Variants in ITGB3 observed in about 807,000 individuals in gnomAD.
The protein encoded by ITGB3 is integrin beta-3.
Under a neutral mutation model 85.8 loss-of-function variants are expected in ITGB3, and 48 were observed. The ratio of observed to expected loss-of-function variants is 0.56; its 90% CI spans 0.44 to 0.71. The LOEUF is 0.71. Ranked by LOEUF, ITGB3 falls within the 30% of genes least tolerant of loss-of-function variation. ITGB3 has a pLI of 0.00. For missense variants in ITGB3, 861 were observed against 1,019.1 expected (o/e 0.84, Z 2.11); for synonymous variants, 363 against 395.6 (o/e 0.92, Z 0.98).
intron 2 of ITGB3, among the ~76,000 whole-genome samples, chr17:47,276,828 G>A (rs1228229213): frequency 6.6e-6 from 1 of 152,170 alleles, no homozygotes; most frequent in Non-Finnish European, 1.5e-5. Flanking sequence ...CTTGGACATT[G>A]ACTTCAAAAA....
intron 1 of ITGB3, among the ~76,000 whole-genome samples, chr17:47,271,680 T>A (rs2065044456): frequency 6.6e-6 from 1 of 152,252 alleles, no homozygotes; most frequent in Non-Finnish European, 1.5e-5. Context: ...ATTAAAATGT[T>A]GTCTTAGCCA....
At chr17:47,265,597 C>G (rs1272307228) in intron 1 of ITGB3, among the ~76,000 whole-genome samples, 1 of 152,170 alleles carries the variant, frequency 6.6e-6, no homozygotes, top group Non-Finnish European at 1.5e-5. Context: ...AGGGCCTACC[C>G]TAACGACATC....
chr17:47,300,725 C>G (rs1375883827), intron 12 of ITGB3, 147 bp downstream of exon 12: 1 of 703,864 alleles, frequency 1.4e-6, no homozygotes, highest in Non-Finnish European at 2.6e-6. Flanking sequence ...ACAATGGACA[C>G]TTGATGTGAG....
chr17:47,300,395 A>G, intron 11 of ITGB3, 83 bp from the exon 12 acceptor site: 2 of 935,374 alleles, frequency 2.1e-6, no homozygotes, highest in Admixed American at 1.8e-5. Flanking sequence ...CAGCTTTCTG[A>G]ATGCATGGAG....
rs373750663 is a variant in ITGB3 at position 47,292,576 on chromosome 17, G to C, written c.1690+8G>C. The C allele has an allele frequency of 8.0e-5, 128 of 1,599,862 alleles. No homozygotes were observed. In the African/African-American group the frequency reaches 1.6e-3, roughly 20 times the overall value. On this transcript the variant is annotated splice_region_variant and intron_variant, in intron 10 of 14. Transcript: ENST00000559488. ...AGGGGGAGATGTGCTCAGGTGAGGA[G>C]AACTGCAGGGCCCCCTGTCCTGGAA...
Position 47,299,230 on chromosome 17 carries a change from G to A in ITGB3, c.1691-78G>A. 7.5e-7 allele frequency: 1 copy of A among 1,338,692 alleles called. No homozygotes were observed. Among genetic ancestry groups the A allele is most frequent in the Admixed American group, 1.7e-5 (1 of 59,074 alleles). 82.9% of individuals were successfully genotyped at this position (1,338,692 alleles called of 1,614,324 possible). ...ATTATCTGTGTGGTTGGGAGAGCAGGATGGTCGTGTGTAGCCTGCTGCCAT... is the reference window on the plus strand; with the variant it reads ...ATTATCTGTGTGGTTGGGAGAGCAGAATGGTCGTGTGTAGCCTGCTGCCAT... On this transcript the variant is annotated intron_variant, in intron 10 of 14. Transcript: ENST00000559488. This position sits in a 1 kb window ranked among gnomAD's most constrained non-coding sequence, Gnocchi z 5.1.
At chr17:47,300,449 C>T in intron 11 of ITGB3, 29 bp from the exon 12 acceptor site, 1 of 1,554,300 alleles carries the variant, frequency 6.4e-7, no homozygotes. Context: ...TCCTTCTTTG[C>T]CTTAATCACT....
Position 47,295,064 on chromosome 17 carries a change from T to G in ITGB3, c.1690+2496T>G, listed in dbSNP as rs532891951. Among the ~76,000 whole-genome samples the G allele has an allele frequency of 3.6e-4, 54 of 151,658 alleles. No homozygotes were observed. The South Asian group carries it at 0.011, about 30-fold the overall frequency. ...CCACAGATCAGTCAGGCAGCTTCTG[T>G]GAGCCAGATTCTGTGCTGTTGTGGA... On this transcript the variant is annotated intron_variant, in intron 10 of 14. Transcript: ENST00000559488.
chr17:47,261,431 A>G (rs11656693), intron 1 of ITGB3, among the ~76,000 whole-genome samples: 45,991 of 151,670 alleles, frequency 0.3, 7,340 homozygotes, highest in East Asian at 0.49. Context: ...GTTACTGCAG[A>G]GTTTTTTTCT....
chr17:47,264,111 G>C (rs2065017819), intron 1 of ITGB3, among the ~76,000 whole-genome samples: 1 of 152,196 alleles, frequency 6.6e-6, no homozygotes, highest in South Asian at 2.1e-4. Context: ...AAACAACTGA[G>C]GCCTGATTGG....
In ITGB3 at chr17:47,284,694, G is replaced by T; in HGVS notation, c.613G>T (p.Asp205Tyr). 1 of 1,614,168 alleles carries T rather than the reference G, an allele frequency of 6.2e-7. No individual in the cohort carries two copies. The highest frequency in any genetic ancestry group is 8.5e-7 in the Non-Finnish European group (1 of 1,180,030). ...AGAGGCCCTCGAAAACCCCTGCTATGAGTAAGTCCCTCCTCCAGACGCCAG... is the reference window on the plus strand; with the variant it reads ...AGAGGCCCTCGAAAACCCCTGCTATTAGTAAGTCCCTCCTCCAGACGCCAG... Reference protein sequence around the residue: ...PPEALENPCYDMKTTCLPMFG... With the variant: ...PPEALENPCYYMKTTCLPMFG... Residue 205 changes from aspartate (D) to tyrosine (Y), a missense_variant and splice_region_variant, in exon 4 of 15, where the codon GAT becomes TAT. By Grantham distance (160) the Asp-to-Tyr change is radical. Coordinates refer to ENST00000559488, the MANE Select transcript of ITGB3 (RefSeq NM_000212.3).
In ITGB3 at chr17:47,283,248, T is replaced by C; in HGVS notation, c.166-106T>C. On this transcript the variant is annotated intron_variant, in intron 2 of 14. Coordinates refer to ENST00000559488, the MANE Select transcript of ITGB3 (RefSeq NM_000212.3). ...CCACAACAATTTGTTTATGCTCCAA[T>C]GTACGGGGTAAACTCTTAGCTATTG... 2.9e-6 allele frequency: 3 copies of C among 1,037,952 alleles called. No individual in the cohort carries two copies. The South Asian group carries it at 4.0e-5, about 14-fold the overall frequency. The allele number at this position is 1,037,952 out of a possible 1,614,324, so 64.3% of individuals were successfully genotyped here.
intron 10 of ITGB3, among the ~76,000 whole-genome samples, chr17:47,295,417 A>G (rs1464695164): frequency 6.6e-6 from 1 of 150,388 alleles, no homozygotes; most frequent in Non-Finnish European, 1.5e-5. Flanking sequence ...CTCCTCTTCC[A>G]CTCTTCATTT....
In ITGB3 at chr17:47,274,515, G is replaced by C. The variant is rs749206624; in HGVS notation, c.165+11G>C. The C allele has an allele frequency of 6.2e-7, 1 of 1,611,364 alleles. No individual in the cohort carries two copies. Among genetic ancestry groups the C allele is most frequent in the Non-Finnish European group, 8.5e-7 (1 of 1,177,818 alleles). ...TGGTGCTCTGATGAGGTAAGGAGCAGATACCAGACCTTGTTTCTTCTCCAG... is the reference window on the plus strand; with the variant it reads ...TGGTGCTCTGATGAGGTAAGGAGCACATACCAGACCTTGTTTCTTCTCCAG... On this transcript the variant is annotated intron_variant, in intron 2 of 14. Transcript: ENST00000559488.
At chr17:47,258,797 C>T (rs536349421) in intron 1 of ITGB3, among the ~76,000 whole-genome samples, 1 of 152,348 alleles carries the variant, frequency 6.6e-6, no homozygotes, top group Admixed American at 6.5e-5. Flanking sequence ...TCGGTTGCAA[C>T]TGCTGATCTA....
Position 47,299,764 on chromosome 17 carries a change from C to T in ITGB3, c.1913+234C>T, listed in dbSNP as rs527831206. ...TGGACTTCGATTGAGAATGTCCTCT[C>T]CTAGGGTGACATCCTGACTCCCTCT... On this transcript the variant is annotated intron_variant, in intron 11 of 14. Coordinates refer to ENST00000559488, the MANE Select transcript of ITGB3 (RefSeq NM_000212.3). This position sits in a 1 kb window ranked among gnomAD's most constrained non-coding sequence, Gnocchi z 5.1. Among the ~76,000 whole-genome samples, 1 of 152,348 alleles carries T rather than the reference C, an allele frequency of 6.6e-6. No homozygotes were observed. Among genetic ancestry groups the T allele is most frequent in the Non-Finnish European group, 1.5e-5 (1 of 68,026 alleles).
At position 47,286,361 on chromosome 17, in the gene ITGB3, CA is replaced by C; in HGVS notation, c.717del (p.Arg240GlyfsTer43). 1 of 1,614,164 alleles carries C rather than the reference CA, an allele frequency of 6.2e-7. No individual in the cohort carries two copies. The highest frequency in any genetic ancestry group is 1.1e-5 in the South Asian group (1 of 91,076). On this transcript the variant is annotated frameshift_variant, in exon 5 of 15. Coordinates refer to ENST00000559488, the MANE Select transcript of ITGB3 (RefSeq NM_000212.3). LOFTEE classifies it high-confidence loss of function. The stretch of plus-strand genomic sequence containing the variant: ...GAGGAAGTGAAGAAGCAGAGTGTGT[CA>C]CGGAACCGAGATGCCCCAGAGGGTG... ...FNEEVKKQSV[S>X]RNRDAPEGGF...
At chr17:47,275,192 CTCT>C (rs777964882) in intron 2 of ITGB3, among the ~76,000 whole-genome samples, 8 of 152,118 alleles carry the variant, frequency 5.3e-5, no homozygotes, top group Non-Finnish European at 1.2e-4. Context: ...ATTTTTCTTT[CTCT>C]TCTTCTTTCC....
At chr17:47,298,786 C>T (rs183918362) in intron 10 of ITGB3, among the ~76,000 whole-genome samples, 2 of 152,256 alleles carry the variant, frequency 1.3e-5, no homozygotes, top group East Asian at 1.9e-4. Flanking sequence ...GTAGGAGAGG[C>T]GAGCAGCGCT....
Sources: gnomAD v4.1 joint callset for allele counts (sites outside exome capture counted in the v4.1 genomes callset) on GRCh38, gnomAD v4.1.1 for gene constraint, Gnocchi (gnomAD v3.1) non-coding constraint, MANE v1.5 for transcripts, NCBI Gene and HGNC (gene_info 2026-07-23, HGNC 2026-07-21) for gene names.